Variants in KDM2A observed in about 807,000 individuals in gnomAD.
KDM2A encodes the protein lysine demethylase 2A.
Under a neutral mutation model 137.3 loss-of-function variants are expected in KDM2A, and 3 were observed. That is an observed-to-expected ratio of 0.02 (90% confidence interval 0.01 to 0.06). KDM2A has a LOEUF of 0.06. Ranked by LOEUF, KDM2A falls within the 10% of genes least tolerant of loss-of-function variation. The pLI, the probability that KDM2A is intolerant of heterozygous loss-of-function variation, is 1.00. For synonymous variants in KDM2A, 512 were observed against 541.5 expected, an observed-to-expected ratio of 0.95 and a Z score of 0.76; for missense variants, 738 against 1,510.6, an observed-to-expected ratio of 0.49 and a Z score of 8.48.
At chr11:67,162,979 G>A (rs563834388) in intron 2 of KDM2A, among the ~76,000 whole-genome samples, 1 of 152,206 alleles carries the variant, frequency 6.6e-6, no homozygotes, top group South Asian at 2.1e-4. Flanking sequence ...CAAAGCGTTG[G>A]GATTATAGGC....
At chr11:67,249,250 A>C (rs1246711490) in intron 16 of KDM2A, among the ~76,000 whole-genome samples, 1 of 152,216 alleles carries the variant, frequency 6.6e-6, no homozygotes, top group African/African-American at 2.4e-5. Context: ...GAGTGTTTGC[A>C]TCTCTGCTGT....
intron 2 of KDM2A, among the ~76,000 whole-genome samples, chr11:67,175,898 A>C (rs1041105126): frequency 6.6e-6 from 1 of 152,210 alleles, no homozygotes; most frequent in Non-Finnish European, 1.5e-5. Context: ...CATCTTTTCT[A>C]GTTCTTCAGA....
chr11:67,234,404 TAGA>T, intron 12 of KDM2A, among the ~76,000 whole-genome samples: 1 of 152,178 alleles, frequency 6.6e-6, no homozygotes. Context: ...GAATAATTAG[TAGA>T]AGAGATGAGG....
chr11:67,161,720 G>C (rs1162392770), intron 2 of KDM2A, among the ~76,000 whole-genome samples: 5 of 152,068 alleles, frequency 3.3e-5, no homozygotes, highest in Admixed American at 1.3e-4. Flanking sequence ...TCTTTTATTA[G>C]GGGTTTGTGA....
chr11:67,129,733 CAAAAAAAAAAAAAA>C (rs200961023), intron 2 of KDM2A, among the ~76,000 whole-genome samples: 2,515 of 56,544 alleles, frequency 0.044, 73 homozygotes, highest in African/African-American at 0.13. Context: ...GACTCCATCT[CAAAAAAAAAAAAAA>C]AAAGAAAAAG....
Position 67,247,035 on chromosome 11 carries a change from TTTTATA to T in KDM2A, c.1965+921_1965+926del, listed in dbSNP as rs1306174800. On this transcript the variant is annotated intron_variant, in intron 15 of 20. Coordinates refer to ENST00000529006, the MANE Select transcript of KDM2A (RefSeq NM_012308.3). ...TTTATTCATTTAATGTTATAAATTATTTTATATATATATATATATATATATATATAT... is the reference window on the plus strand; with the variant it reads ...TTTATTCATTTAATGTTATAAATTATTATATATATATATATATATATATAT... Among the ~76,000 whole-genome samples the T allele has an allele frequency of 1.6e-3, 118 of 75,018 alleles. 1 individual carries two copies. The highest frequency in any genetic ancestry group is 2.2e-3 in the Non-Finnish European group (95 of 42,358). The allele number at this position is 75,018 out of a possible 152,430, so 49.2% of individuals were successfully genotyped here.
At chr11:67,243,915 T>TC (rs1292666573) in intron 13 of KDM2A, 1 of 152,224 alleles carries the variant, frequency 6.6e-6, no homozygotes, top group East Asian at 1.9e-4. Context: ...ATAATTTTTT[T>TC]CCCCATACTG....
chr11:67,122,215 T>A (rs1182533997), intron 2 of KDM2A, among the ~76,000 whole-genome samples: 1 of 152,196 alleles, frequency 6.6e-6, no homozygotes, highest in East Asian at 1.9e-4. Context: ...TAAAGGAATT[T>A]ATGGTGGTTT....
In KDM2A at chr11:67,245,792, CAGG is replaced by C. The variant is rs1354148829; in HGVS notation, c.1834-192_1834-190del. 1 of 649,900 alleles carries C rather than the reference CAGG, an allele frequency of 1.5e-6. No homozygotes were observed. Among genetic ancestry groups the C allele is most frequent in the African/African-American group, 1.8e-5 (1 of 54,722 alleles). 40.3% of individuals were successfully genotyped at this position (649,900 alleles called of 1,614,324 possible). On this transcript the variant is annotated intron_variant, in intron 14 of 20. Transcript: ENST00000529006. This position sits in a 1 kb window ranked among gnomAD's most constrained non-coding sequence, Gnocchi z 4.1. ...TGAAAATAAACTAGTCTCTGGTGCCCAGGTGGTTGAGTCCTCCTCTTCCCCAGT... is the reference window on the plus strand; with the variant it reads ...TGAAAATAAACTAGTCTCTGGTGCCCTGGTTGAGTCCTCCTCTTCCCCAGT...
intron 2 of KDM2A, among the ~76,000 whole-genome samples, chr11:67,174,617 G>C (rs1019899280): frequency 2.0e-5 from 3 of 152,036 alleles, no homozygotes; most frequent in Non-Finnish European, 4.4e-5. Flanking sequence ...ACCAGTACTT[G>C]AGTTAATCTA....
At chr11:67,175,481 T>C (rs530200350) in intron 2 of KDM2A, among the ~76,000 whole-genome samples, 67 of 152,308 alleles carry the variant, frequency 4.4e-4, no homozygotes, top group African/African-American at 1.5e-3. Context: ...TTGCCAACTT[T>C]CCAGTTGCAA....
chr11:67,247,063 AT>A (rs1854121561), intron 15 of KDM2A, among the ~76,000 whole-genome samples: 7 of 25,020 alleles, frequency 2.8e-4, no homozygotes, highest in East Asian at 2.2e-3. Flanking sequence ...ATATATATAT[AT>A]ATATATATTT....
chr11:67,177,820 CT>C (rs1565390397), intron 2 of KDM2A, among the ~76,000 whole-genome samples: 1 of 152,150 alleles, frequency 6.6e-6, no homozygotes, highest in Non-Finnish European at 1.5e-5. Context: ...ATGTGCTACA[CT>C]TTTACATGAC....
intron 5 of KDM2A, chr11:67,196,805 A>T (rs942857934): frequency 2.4e-5 from 5 of 208,020 alleles, no homozygotes; most frequent in Middle Eastern, 2.2e-3. Context: ...GTTGCACAAC[A>T]TTGTGAATAT....
At position 67,217,682 on chromosome 11, in the gene KDM2A, C is replaced by T. The variant is rs777314291; in HGVS notation, c.688-49C>T. The stretch of plus-strand genomic sequence containing the variant: ...CCTGTTTATCAGTTGAGGGAGACGA[C>T]TGGGTCATGTCAATGGCTGTTAACA... On this transcript the variant is annotated intron_variant, in intron 8 of 20. Transcript: ENST00000529006. 5.0e-6 allele frequency: 8 copies of T among 1,592,750 alleles called. No individual in the cohort carries two copies. The African/African-American group carries it at 1.1e-4, about 21-fold the overall frequency.
At position 67,212,082 on chromosome 11, in the gene KDM2A, G is replaced by T. The variant is rs1858011994; in HGVS notation, c.487-3258G>T. Among the ~76,000 whole-genome samples, 3 of 152,144 alleles carry T rather than the reference G, an allele frequency of 2.0e-5. No homozygotes were observed. In the South Asian group the frequency reaches 6.2e-4, roughly 31 times the overall value. ...AGGCTGTGGTGGGAGAATTGCTTGA[G>T]CCCAGGAGTTTGAGGCAGCCTAGGC... On this transcript the variant is annotated intron_variant, in intron 6 of 20. Coordinates refer to ENST00000529006, the MANE Select transcript of KDM2A (RefSeq NM_012308.3).
In KDM2A at chr11:67,119,338, TC is replaced by T; in HGVS notation, c.-791del. The T allele has an allele frequency of 6.0e-6, 1 of 165,674 alleles. No individual in the cohort carries two copies. 10.3% of individuals were successfully genotyped at this position (165,674 alleles called of 1,614,324 possible). A position where few individuals can be genotyped will look rare whatever the true frequency, so the allele number is the denominator to read the frequency against. On this transcript the variant is annotated 5_prime_UTR_variant, in exon 1 of 21. Coordinates refer to ENST00000529006, the MANE Select transcript of KDM2A (RefSeq NM_012308.3). ...TCCTGTGTGAGGGAAACAACACCCC[TC>T]CCCGGCAGCGGCGGCGGCGGCGGCG...
intron 2 of KDM2A, among the ~76,000 whole-genome samples, chr11:67,140,771 G>T (rs1490859380): frequency 4.6e-5 from 7 of 151,908 alleles, no homozygotes; most frequent in Non-Finnish European, 1.0e-4. Context: ...AAAGTTACAA[G>T]TATACTTTTG....
rs866853983 is a variant in KDM2A at position 67,245,908 on chromosome 11, C to T, written c.1834-77C>T. On this transcript the variant is annotated intron_variant, in intron 14 of 20. Transcript: ENST00000529006. This position sits in a 1 kb window ranked among gnomAD's most constrained non-coding sequence, Gnocchi z 4.1. ...AGAGAATTATAGGACCCAAATCTCC[C>T]ATCTTCAGTTTAAGGGAAACTGAAA... is the stretch of plus-strand genomic sequence containing the variant. The T allele has an allele frequency of 3.8e-5, 58 of 1,538,398 alleles. No homozygotes were observed. The Middle Eastern group carries it at 1.0e-3, about 27-fold the overall frequency.
Sources: allele counts gnomAD v4.1 joint callset (sites outside exome capture counted in the v4.1 genomes callset), GRCh38; gene constraint gnomAD v4.1.1; non-coding constraint Gnocchi (gnomAD v3.1); transcripts MANE v1.5; gene names NCBI Gene and HGNC (gene_info 2026-07-23, HGNC 2026-07-21).